TBX1: variants seen among roughly 807,000 people sequenced by gnomAD.
TBX1 encodes T-box transcription factor TBX1.
TBX1 carries 16 observed loss-of-function variants against 40.8 expected under a neutral mutation model. The ratio of observed to expected loss-of-function variants is 0.39; its 90% CI spans 0.27 to 0.60. The LOEUF is 0.60. TBX1 is among the 20% of genes least tolerant of loss of function. TBX1 has a pLI of 0.51. For synonymous variants in TBX1, 403 were observed against 336.8 expected (o/e 1.20, Z -2.15); for missense variants, 755 against 728.5 (o/e 1.04, Z -0.42).
upstream of TBX1, among the ~76,000 whole-genome samples, chr22:19,757,191 T>A (rs1300181213): frequency 3.3e-5 from 5 of 152,232 alleles, no homozygotes; most frequent in East Asian, 9.7e-4. Flanking sequence ...GTGGGGCCCC[T>A]CACCTCTTCC....
intron 6 of TBX1, 41 bp from the exon 7 acceptor site, chr22:19,766,348 G>T (rs932302117): frequency 7.2e-6 from 9 of 1,248,962 alleles, no homozygotes; most frequent in African/African-American, 6.3e-5. Context: ...GCTCCTCGGC[G>T]GCCCCGGCCG....
chr22:19,766,261 C>T, intron 6 of TBX1, 128 bp from the exon 7 acceptor site: 7 of 1,173,446 alleles, frequency 6.0e-6, no homozygotes, highest in Non-Finnish European at 7.4e-6. Flanking sequence ...CTCGGGCACG[C>T]TGGCACCGAC....
chr22:19,763,801 G>T (rs1046164445), intron 2 of TBX1: 2 of 452,310 alleles, frequency 4.4e-6, no homozygotes, highest in Non-Finnish European at 8.0e-6. Flanking sequence ...TAAAGAGAAC[G>T]CGCACTGCCC....
At chr22:19,765,264 G>A (rs892563852) in intron 4 of TBX1, 151 bp downstream of exon 4, 1 of 1,226,018 alleles carries the variant, frequency 8.2e-7, no homozygotes, top group Non-Finnish European at 1.2e-6. Flanking sequence ...CACTCCCAAG[G>A]GCCTCAGGCA....
upstream of TBX1, chr22:19,759,408 C>A: frequency 8.1e-7 from 1 of 1,239,728 alleles, no homozygotes; most frequent in Non-Finnish European, 1.0e-6. Flanking sequence ...CCCCCGCCCC[C>A]GGACTCCGTG....
At chr22:19,774,176 G>A (rs1295479285) in intron 8 of TBX1, among the ~76,000 whole-genome samples, 2 of 152,238 alleles carry the variant, frequency 1.3e-5, no homozygotes, top group Non-Finnish European at 2.9e-5. Context: ...TGCAGCTTCT[G>A]TGGGGAACAG....
At chr22:19,770,522 G>A (rs968481650), downstream of TBX1, among the ~76,000 whole-genome samples, 15 of 152,242 alleles carry the variant, frequency 9.9e-5, no homozygotes, top group Admixed American at 9.8e-4. Flanking sequence ...GCAGGAGCAC[G>A]CGGGGGCTTG....
chr22:19,768,036 G>A (rs144890515), downstream of TBX1, among the ~76,000 whole-genome samples: 2 of 152,290 alleles, frequency 1.3e-5, no homozygotes, highest in Admixed American at 1.3e-4. Context: ...ACCTCTCCCC[G>A]TTAACTCAAC....
At chr22:19,774,783 AACAG>A (rs914156413) in intron 8 of TBX1, among the ~76,000 whole-genome samples, 17 of 152,314 alleles carry the variant, frequency 1.1e-4, no homozygotes, top group Admixed American at 7.8e-4. Context: ...AGATTCAAGA[AACAG>A]ACAGGAGAAT....
At chr22:19,777,663 C>T (rs547029430) in intron 8 of TBX1, among the ~76,000 whole-genome samples, 2 of 152,178 alleles carry the variant, frequency 1.3e-5, no homozygotes, top group South Asian at 2.1e-4. Flanking sequence ...TTCTGGGTAT[C>T]GGTCCTTTTC....
At position 19,761,278 on chromosome 22, in the gene TBX1, C is replaced by CACCGAGATGATG; in HGVS notation, c.436_437insCCGAGATGATGA (p.Gly145_Arg146insThrGluMetMet). 6.5e-7 allele frequency: 1 copy of CACCGAGATGATG among 1,549,842 alleles called. No individual in the cohort carries two copies. ...CCGAGATGATCGTCACCAAGGCCGG[C>CACCGAGATGATG]AGGTCAGGGCGCCCCTCCCCACGCC... On this transcript the variant is annotated inframe_insertion and splice_region_variant, in exon 1 of 7. Transcript: ENST00000649276.
Position 19,760,848 on chromosome 22 carries a change from T to C in TBX1, c.5T>C (p.Ile2Thr). 1.0e-6 allele frequency: 1 copy of C among 980,126 alleles called. No individual in the cohort carries two copies. The highest frequency in any genetic ancestry group is 1.2e-6 in the Non-Finnish European group (1 of 816,838). 60.7% of individuals were successfully genotyped at this position (980,126 alleles called of 1,614,324 possible). A position where few individuals can be genotyped will look rare whatever the true frequency, so the allele number is the denominator to read the frequency against. Residue 2 changes from isoleucine to threonine, a missense_variant, in exon 1 of 7, where the codon ATC (isoleucine) becomes ACC (threonine). Physicochemically the swap from Ile to Thr is moderately conservative, Grantham distance 89. Transcript: ENST00000649276. MISAVSSPWLTQ... is the reference protein window; with the variant it reads MTSAVSSPWLTQ... ...GGCGGCGGCGGCCCGCGGGTCATGA[T>C]CTCCGCCGTGTCCAGCCCGTGGCTC...
chr22:19,766,091 G>C (rs1024698516), intron 6 of TBX1, 89 bp downstream of exon 6: 8 of 1,174,794 alleles, frequency 6.8e-6, no homozygotes, highest in Non-Finnish European at 8.7e-6. Flanking sequence ...CTGCGCCCCC[G>C]GGGCGCTCCA....
rs1381242053 is a variant in TBX1, at chr22:19,776,653, T to C, written c.1010-2567T>C. ...AAAGCAGAACCGCATGTGATCAGTC[T>C]GGGTGGGCAAGACTTCAAGAGAGCA... is the stretch of plus-strand genomic sequence containing the variant. On this transcript the variant is annotated intron_variant, in intron 8 of 8. Coordinates refer to the TBX1 transcript ENST00000329705. 2.6e-5 allele frequency among the ~76,000 whole-genome samples: 4 copies of C among 152,140 alleles called. No individual in the cohort carries two copies. In the East Asian group the frequency reaches 7.7e-4, roughly 29 times the overall value.
chr22:19,783,545 C>T (rs1229420109), downstream of TBX1: 2 of 185,824 alleles, frequency 1.1e-5, no homozygotes, highest in Non-Finnish European at 2.3e-5. Flanking sequence ...GTGAGACCCC[C>T]ACTGTCCCTG....
intron 4 of TBX1, among the ~76,000 whole-genome samples, 159 bp from the exon 5 acceptor site, chr22:19,765,599 C>T (rs1270527798): frequency 6.6e-6 from 1 of 152,172 alleles, no homozygotes; most frequent in African/African-American, 2.4e-5. Context: ...CAGGAGGGAG[C>T]ACCAGCTCCG....
Position 19,763,220 on chromosome 22 carries a change from C to T in TBX1, c.438-21C>T, listed in dbSNP as rs763196305. ...GCTGCCTTCCACCAGCTAGGGTGAC[C>T]CAAGGCCTCATCACCCCCAGGCGGA... On this transcript the variant is annotated intron_variant, in intron 1 of 6. Coordinates refer to ENST00000649276, the MANE Select transcript of TBX1 (RefSeq NM_001379200.1). 1.6e-5 allele frequency: 25 copies of T among 1,606,690 alleles called. No homozygotes were observed. In the African/African-American group the frequency reaches 3.1e-4, roughly 20 times the overall value.
At chr22:19,757,932 G>C (rs955250170), upstream of TBX1, among the ~76,000 whole-genome samples, 1 of 152,328 alleles carries the variant, frequency 6.6e-6, no homozygotes, top group African/African-American at 2.4e-5. Flanking sequence ...CAAAGCTCCA[G>C]CTGCAGGCGG....
chr22:19,760,803 C>T lies in TBX1; in HGVS notation c.-41C>T. The T allele has an allele frequency of 3.0e-6, 2 of 659,618 alleles. No individual in the cohort carries two copies. The highest frequency in any genetic ancestry group is 3.7e-6 in the Non-Finnish European group (2 of 535,746). 40.9% of individuals were successfully genotyped at this position (659,618 alleles called of 1,614,324 possible). A position where few individuals can be genotyped will look rare whatever the true frequency, so the allele number is the denominator to read the frequency against. The stretch of plus-strand genomic sequence containing the variant: ...ACTCGGCCCGCGGCGCGGGGCAGCG[C>T]TCAGCTTGGTGGCGGGGGCGGCGGC... On this transcript the variant is annotated 5_prime_UTR_variant, in exon 1 of 7. Coordinates refer to ENST00000649276, the MANE Select transcript of TBX1 (RefSeq NM_001379200.1).
Sources: gnomAD v4.1 joint callset for allele counts (sites outside exome capture counted in the v4.1 genomes callset) on GRCh38, gnomAD v4.1.1 for gene constraint, MANE v1.5 for transcripts, NCBI Gene and HGNC (gene_info 2026-07-23, HGNC 2026-07-21) for gene names.